Variants in CACNB2 observed in about 807,000 individuals in gnomAD.
The protein encoded by CACNB2 is calcium voltage-gated channel auxiliary subunit beta 2.
A neutral mutation model predicts 73.3 loss-of-function variants in CACNB2; 42 were observed. That is an observed-to-expected ratio of 0.57 (90% CI 0.45 to 0.74). The LOEUF is 0.74. Ranked by LOEUF, CACNB2 falls within the 30% of genes least tolerant of loss-of-function variation. The pLI, the probability that CACNB2 is intolerant of heterozygous loss-of-function variation, is 0.00. For missense variants in CACNB2, 940 were observed against 853.0 expected, an observed-to-expected ratio of 1.10 and a Z score of -1.27; for synonymous variants, 348 against 310.3, an observed-to-expected ratio of 1.12 and a Z score of -1.28.
chr10:18,519,719 A>C, intron 9 of CACNB2: 1 of 456,114 alleles, frequency 2.2e-6, no homozygotes, highest in Non-Finnish European at 4.4e-6. Context: ...CTTTACAGGA[A>C]GATTCCTTGA....
intron 1 of CACNB2, among the ~76,000 whole-genome samples, chr10:18,141,611 T>C (rs2030415298): frequency 6.6e-6 from 1 of 152,260 alleles, no homozygotes; most frequent in Middle Eastern, 3.2e-3. Context: ...TCAGCTTCGC[T>C]GCAGGTTGTT....
intron 6 of CACNB2, among the ~76,000 whole-genome samples, chr10:18,512,850 G>A (rs2050895492): frequency 6.6e-6 from 1 of 152,158 alleles, no homozygotes; most frequent in African/African-American, 2.4e-5. Context: ...ATGTGAATAT[G>A]ATGGATGAGG....
intron 2 of CACNB2, among the ~76,000 whole-genome samples, chr10:18,197,566 A>T (rs754240678): frequency 3.3e-5 from 5 of 152,182 alleles, no homozygotes. Context: ...TTAGGCCACG[A>T]TGACATCCAA....
chr10:18,290,768 G>A (rs1388894819), intron 2 of CACNB2, among the ~76,000 whole-genome samples: 1 of 152,210 alleles, frequency 6.6e-6, no homozygotes, highest in Non-Finnish European at 1.5e-5. Flanking sequence ...GCTTGCTGAG[G>A]GGGAAGGCAG....
chr10:18,408,319 G>A (rs1364805116), intron 3 of CACNB2, among the ~76,000 whole-genome samples: 2 of 136,100 alleles, frequency 1.5e-5, no homozygotes, highest in Non-Finnish European at 3.0e-5. Flanking sequence ...GCCCACTGCA[G>A]CCTCTTCCTC....
intron 3 of CACNB2, among the ~76,000 whole-genome samples, chr10:18,429,826 A>AG (rs71402164): frequency 7.6e-6 from 1 of 130,958 alleles, no homozygotes; most frequent in African/African-American, 2.7e-5. Context: ...AAAAAAAAAA[A>AG]CAAATTAACC....
chr10:18,252,530 C>T (rs2037130271), intron 2 of CACNB2, among the ~76,000 whole-genome samples: 1 of 152,098 alleles, frequency 6.6e-6, no homozygotes, highest in Admixed American at 6.6e-5. Flanking sequence ...GCCATCTTTG[C>T]TTTGCTTTTT....
Position 18,518,186 on chromosome 10 carries a change from G to A in CACNB2, c.805-150G>A, listed in dbSNP as rs111554381. ...AAATGAACCCACCAATCTTTGACTG[G>A]GTTTATGTAGAAAAGAGGCAAGTGG... On this transcript the variant is annotated intron_variant, in intron 7 of 13. Coordinates refer to ENST00000324631, the MANE Select transcript of CACNB2 (RefSeq NM_201596.3). The A allele has an allele frequency of 1.6e-3, 1,117 of 708,202 alleles. 6 individuals are homozygous for A. Among genetic ancestry groups the A allele is most frequent in the Non-Finnish European group, 2.3e-3 (905 of 387,364 alleles). The allele number at this position is 708,202 out of a possible 1,614,324, so 43.9% of individuals were successfully genotyped here. A position where few individuals can be genotyped will look rare whatever the true frequency, so the allele number is the denominator to read the frequency against.
intron 2 of CACNB2, chr10:18,400,516 T>A: frequency 1.1e-6 from 1 of 933,688 alleles, no homozygotes; most frequent in South Asian, 4.4e-5. Flanking sequence ...AAAGGCGACA[T>A]ATGGAGCATG....
At chr10:18,228,261 T>TA (rs979635504) in intron 2 of CACNB2, among the ~76,000 whole-genome samples, 8 of 150,870 alleles carry the variant, frequency 5.3e-5, no homozygotes, top group Non-Finnish European at 1.2e-4. Flanking sequence ...TTGTCTCTAC[T>TA]AAAAAAAATA....
At chr10:18,191,334 C>A (rs571032156) in intron 2 of CACNB2, among the ~76,000 whole-genome samples, 1 of 152,210 alleles carries the variant, frequency 6.6e-6, no homozygotes, top group Admixed American at 6.5e-5. Context: ...GAACTTGACA[C>A]CAGCTGCCCC....
At chr10:18,512,160 A>T (rs1189195951) in intron 6 of CACNB2, among the ~76,000 whole-genome samples, 2 of 152,200 alleles carry the variant, frequency 1.3e-5, no homozygotes, top group Non-Finnish European at 2.9e-5. Context: ...AATCATGTCA[A>T]GCAACAAAGC....
At chr10:18,143,664 G>GCCATCTCTT (rs2030668712) in intron 1 of CACNB2, among the ~76,000 whole-genome samples, 1 of 152,152 alleles carries the variant, frequency 6.6e-6, no homozygotes, top group Non-Finnish European at 1.5e-5. Flanking sequence ...GCTTGGGAAA[G>GCCATCTCTT]CCATCTCTTC....
intron 3 of CACNB2, among the ~76,000 whole-genome samples, chr10:18,408,916 G>T (rs928148850): frequency 3.3e-5 from 5 of 152,130 alleles, no homozygotes; most frequent in African/African-American, 1.2e-4. Flanking sequence ...GCAGTGGCAT[G>T]ATTACTGCTT....
chr10:18,225,897 T>G (rs11013073), intron 2 of CACNB2, among the ~76,000 whole-genome samples: 2,366 of 152,076 alleles, frequency 0.016, 51 homozygotes, highest in East Asian at 0.11. Flanking sequence ...GCCTCAGCCT[T>G]CCAAAGCACT....
At chr10:18,526,930 G>A (rs1392878973) in intron 9 of CACNB2, among the ~76,000 whole-genome samples, 1 of 151,982 alleles carries the variant, frequency 6.6e-6, no homozygotes, top group Non-Finnish European at 1.5e-5. Context: ...ACATACCCTT[G>A]GATAAAAAAT....
Position 18,160,803 on chromosome 10 carries a change from C to T in CACNB2, c.213+9828C>T, listed in dbSNP as rs541357826. Among the ~76,000 whole-genome samples, 5 of 152,232 alleles carry T rather than the reference C, an allele frequency of 3.3e-5. No homozygotes were observed. The South Asian group carries it at 1.0e-3, about 32-fold the overall frequency. On this transcript the variant is annotated intron_variant, in intron 2 of 13. Transcript: ENST00000324631. ...GTAAATATAGTCAGTTCCTTTCTCT[C>T]TTGTTTTGTTTCTGGAATCTTCACA...
At chr10:18,212,268 T>G (rs961405270) in intron 2 of CACNB2, among the ~76,000 whole-genome samples, 2 of 152,244 alleles carry the variant, frequency 1.3e-5, no homozygotes, top group African/African-American at 4.8e-5. Context: ...CCCCACATTT[T>G]ATGAACTCTT....
chr10:18,422,590 A>G (rs1263004954), intron 3 of CACNB2, among the ~76,000 whole-genome samples: 1 of 152,108 alleles, frequency 6.6e-6, no homozygotes, highest in East Asian at 1.9e-4. Context: ...TTGTTTGTGT[A>G]TTCCTCTTAC....
Sources: gnomAD v4.1 joint callset for allele counts (sites outside exome capture counted in the v4.1 genomes callset) on GRCh38, gnomAD v4.1.1 for gene constraint, MANE v1.5 for transcripts, NCBI Gene and HGNC (gene_info 2026-07-23, HGNC 2026-07-21) for gene names.